Variants in COL22A1 observed in about 807,000 individuals in gnomAD.
The protein encoded by COL22A1 is collagen alpha-1(XXII) chain.
In COL22A1, 221 loss-of-function variants were observed where a neutral mutation model predicts 248.9. The ratio of observed to expected loss-of-function variants is 0.89; its 90% CI spans 0.80 to 0.99. The LOEUF is 0.99. COL22A1 is among the 50% of genes least tolerant of loss of function. The pLI is 0.00. For missense variants in COL22A1, 2,240 were observed against 2,179.0 expected, an observed-to-expected ratio of 1.03 and a Z score of -0.56; for synonymous variants, 891 against 793.4, an observed-to-expected ratio of 1.12 and a Z score of -2.07.
At chr8:138,828,793 G>C (rs1819799049) in intron 5 of COL22A1, among the ~76,000 whole-genome samples, 1 of 151,964 alleles carries the variant, frequency 6.6e-6, no homozygotes. Context: ...TATAACCCAG[G>C]CTCTGAGGGG....
At chr8:138,805,505 GA>G (rs1292839921) in intron 10 of COL22A1, among the ~76,000 whole-genome samples, 2,296 of 145,436 alleles carry the variant, frequency 0.016, 59 homozygotes, top group African/African-American at 0.055. Flanking sequence ...GTGTGTGTGT[GA>G]TGGTGTGTGT....
chr8:138,642,378 G>A (rs1222828549), intron 47 of COL22A1, among the ~76,000 whole-genome samples: 1 of 152,178 alleles, frequency 6.6e-6, no homozygotes, highest in African/African-American at 2.4e-5. Context: ...CTGCTCCTTG[G>A]AACACTGAGC....
chr8:138,819,154 T>A (rs1411219728), intron 7 of COL22A1, among the ~76,000 whole-genome samples: 1 of 152,226 alleles, frequency 6.6e-6, no homozygotes, highest in African/African-American at 2.4e-5. Flanking sequence ...TATGACAAAG[T>A]CTATAAACCT....
chr8:138,866,288 C>G (rs58614154), intron 3 of COL22A1, among the ~76,000 whole-genome samples: 2,545 of 152,294 alleles, frequency 0.017, 182 homozygotes, highest in Admixed American at 0.11. Context: ...AAGTGTAAAA[C>G]AAGTTCTGCC....
At chr8:138,690,136 T>A (rs988105782) in intron 36 of COL22A1, among the ~76,000 whole-genome samples, 2 of 152,264 alleles carry the variant, frequency 1.3e-5, no homozygotes, top group Non-Finnish European at 2.9e-5. Context: ...TCCTCTAAGC[T>A]ACTATGCTTA....
chr8:138,678,825 A>G (rs934292459), intron 40 of COL22A1, among the ~76,000 whole-genome samples: 8 of 152,210 alleles, frequency 5.3e-5, no homozygotes, highest in Non-Finnish European at 2.9e-5. Context: ...AGTTCTACCA[A>G]ATCCTCATGT....
intron 60 of COL22A1, among the ~76,000 whole-genome samples, chr8:138,599,196 G>C (rs537894081): frequency 6.6e-6 from 1 of 152,234 alleles, no homozygotes; most frequent in South Asian, 2.1e-4. Context: ...CAAAAAATTA[G>C]CCGGGCGTGG....
chr8:138,658,994 C>G (rs889840723), intron 44 of COL22A1, among the ~76,000 whole-genome samples: 3 of 152,148 alleles, frequency 2.0e-5, no homozygotes, highest in Non-Finnish European at 4.4e-5. Flanking sequence ...GCTGACTTCA[C>G]TATCTTTGCA....
intron 4 of COL22A1, among the ~76,000 whole-genome samples, chr8:138,836,246 G>A (rs184197926): frequency 6.9e-4 from 105 of 152,196 alleles, no homozygotes; most frequent in African/African-American, 2.5e-3. Flanking sequence ...ACTCCAGCCT[G>A]GGCGACAGAG....
Position 138,751,959 on chromosome 8 carries a change from T to A in COL22A1, c.2032-448A>T, listed in dbSNP as rs910390988. 6.6e-5 allele frequency among the ~76,000 whole-genome samples: 10 copies of A among 152,310 alleles called. No individual in the cohort carries two copies. The East Asian group carries it at 1.9e-3, about 29-fold the overall frequency. On this transcript the variant is annotated intron_variant, in intron 21 of 64. Coordinates refer to ENST00000303045, the MANE Select transcript of COL22A1 (RefSeq NM_152888.3). ...GATAGTCTGGACAAATGAATGAAAC[T>A]GCCTAGGAAAGATCAATATCAATTA...
intron 22 of COL22A1, among the ~76,000 whole-genome samples, chr8:138,748,267 C>T (rs1489283887): frequency 1.3e-5 from 2 of 152,176 alleles, no homozygotes; most frequent in East Asian, 3.9e-4. Flanking sequence ...TCAGTCTCCA[C>T]TGAGGTCATC....
intron 28 of COL22A1, 21 bp downstream of exon 28, chr8:138,716,804 T>C: frequency 6.3e-7 from 1 of 1,581,904 alleles, no homozygotes; most frequent in South Asian, 1.1e-5. Context: ...AATGAATGAA[T>C]AAAAGCACAA....
chr8:138,831,504 G>A (rs1820043717), intron 5 of COL22A1, among the ~76,000 whole-genome samples: 1 of 152,196 alleles, frequency 6.6e-6, no homozygotes, highest in South Asian at 2.1e-4. Flanking sequence ...TGGGAGGAGG[G>A]TAGGTAAGGG....
At chr8:138,658,607 T>C (rs1823505237) in intron 44 of COL22A1, among the ~76,000 whole-genome samples, 1 of 152,210 alleles carries the variant, frequency 6.6e-6, no homozygotes, top group African/African-American at 2.4e-5. Context: ...AATGGAAGCT[T>C]GTATTGGTCT....
chr8:138,750,259 C>T (rs1310505649), intron 22 of COL22A1, among the ~76,000 whole-genome samples: 3 of 152,202 alleles, frequency 2.0e-5, no homozygotes, highest in Non-Finnish European at 4.4e-5. Context: ...CAGACTAATA[C>T]AATCTCTCTC....
In COL22A1 at chr8:138,669,316, C is replaced by T. The variant is rs565264905; in HGVS notation, c.3151-5576G>A. ...AGAGCAGGGAGTGCCGAAGAGGGCTCGGCCACGGCCGTGGGGTCTGATAAG... is the reference window on the plus strand; with the variant it reads ...AGAGCAGGGAGTGCCGAAGAGGGCTTGGCCACGGCCGTGGGGTCTGATAAG... On this transcript the variant is annotated intron_variant, in intron 41 of 64. Transcript: ENST00000303045. Among the ~76,000 whole-genome samples, 13 of 152,270 alleles carry T rather than the reference C, an allele frequency of 8.5e-5. 1 individual carries two copies. Among genetic ancestry groups the T allele is most frequent in the East Asian group, 5.8e-4 (3 of 5,160 alleles).
intron 26 of COL22A1, 103 bp downstream of exon 26, chr8:138,721,933 A>T: frequency 1.1e-6 from 1 of 897,698 alleles, no homozygotes; most frequent in Non-Finnish European, 1.8e-6. Context: ...CTGATCGAAG[A>T]CCCAGGCAAT....
intron 45 of COL22A1, among the ~76,000 whole-genome samples, chr8:138,654,119 T>C (rs1015586028): frequency 3.3e-5 from 5 of 152,226 alleles, no homozygotes; most frequent in Non-Finnish European, 7.3e-5. Flanking sequence ...TCACTCTTAT[T>C]ATTGACATAA....
chr8:138,871,930 A>C (rs1022615572), intron 3 of COL22A1, among the ~76,000 whole-genome samples: 1 of 152,198 alleles, frequency 6.6e-6, no homozygotes, highest in Non-Finnish European at 1.5e-5. Context: ...AAGGCAAAGG[A>C]GAGCCCCTCC....
Sources: gnomAD v4.1 joint callset for allele counts (sites outside exome capture counted in the v4.1 genomes callset) on GRCh38, gnomAD v4.1.1 for gene constraint, MANE v1.5 for transcripts, NCBI Gene and HGNC (gene_info 2026-07-23, HGNC 2026-07-21) for gene names.